TINAG: variants seen among roughly 807,000 people sequenced by gnomAD.
The protein encoded by TINAG is tubulointerstitial nephritis antigen.
In TINAG, 83 loss-of-function variants were observed where a neutral mutation model predicts 72.7. The observed-to-expected ratio is 1.14, with a 90% confidence interval of 0.96 to 1.37. TINAG has a LOEUF of 1.37. Among genes scored for constraint, TINAG ranks in the 40% most tolerant of loss-of-function variants. The pLI is 0.00. For missense variants in TINAG, 685 were observed against 576.6 expected, an observed-to-expected ratio of 1.19 and a Z score of -1.93; for synonymous variants, 234 against 189.9, an observed-to-expected ratio of 1.23 and a Z score of -1.91.
chr6:54,339,125 A>G (rs113526770), intron 4 of TINAG, among the ~76,000 whole-genome samples: 4 of 152,338 alleles, frequency 2.6e-5, no homozygotes, highest in African/African-American at 9.6e-5. Flanking sequence ...ATGAAATATG[A>G]CATTGCCCTA....
chr6:54,313,744 GTTAAA>G (rs1562144723), intron 1 of TINAG, among the ~76,000 whole-genome samples: 1 of 151,778 alleles, frequency 6.6e-6, no homozygotes, highest in Admixed American at 6.6e-5. Context: ...TTTTGTATTT[GTTAAA>G]TTAAATAATA....
intron 6 of TINAG, among the ~76,000 whole-genome samples, chr6:54,348,854 T>C (rs1276024396): frequency 6.6e-6 from 1 of 152,148 alleles, no homozygotes; most frequent in Non-Finnish European, 1.5e-5. Flanking sequence ...GGTTTTGCTT[T>C]TGTCATGTTC....
intron 9 of TINAG, among the ~76,000 whole-genome samples, chr6:54,374,552 G>A (rs1321554258): frequency 6.6e-6 from 1 of 152,058 alleles, no homozygotes; most frequent in Non-Finnish European, 1.5e-5. Context: ...AAGTTCCTAA[G>A]CATCTCAGGT....
intron 4 of TINAG, among the ~76,000 whole-genome samples, chr6:54,331,143 A>G (rs1784730570): frequency 6.6e-6 from 1 of 152,212 alleles, no homozygotes; most frequent in Admixed American, 6.5e-5. Context: ...AACCTGGCAG[A>G]GACACGACAA....
Position 54,347,508 on chromosome 6 carries a change from GA to G in TINAG, c.894del (p.Lys298AsnfsTer45). ...GSIDRAWWYLRKRGLVSHACY... is the reference protein window; with the variant it reads ...GSIDRAWWYLXKRGLVSHACY... ...ATCGATAGGGCTTGGTGGTACCTGA[GA>G]AAACGTGGGTAAATAGCTGCTCAAC... is the stretch of plus-strand genomic sequence containing the variant. On this transcript the variant is annotated frameshift_variant, in exon 6 of 11. Transcript: ENST00000259782. LOFTEE classifies it high-confidence loss of function. 3.1e-6 allele frequency: 5 copies of G among 1,612,602 alleles called. No individual in the cohort carries two copies. The highest frequency in any genetic ancestry group is 4.2e-6 in the Non-Finnish European group (5 of 1,179,170).
intron 1 of TINAG, among the ~76,000 whole-genome samples, chr6:54,314,741 T>C (rs1784333892): frequency 6.6e-6 from 1 of 152,150 alleles, no homozygotes; most frequent in African/African-American, 2.4e-5. Context: ...TACTTGAGAT[T>C]TTCTTATTTG....
chr6:54,338,015 T>C (rs1213518677), intron 4 of TINAG, among the ~76,000 whole-genome samples: 1 of 152,234 alleles, frequency 6.6e-6, no homozygotes, highest in African/African-American at 2.4e-5. Flanking sequence ...TGTGTTTCTT[T>C]CTTTTTACTA....
At position 54,326,919 on chromosome 6, in the gene TINAG, A is replaced by G; in HGVS notation, c.624+3A>G. The G allele has an allele frequency of 6.2e-7, 1 of 1,613,126 alleles. No individual in the cohort carries two copies. The highest frequency in any genetic ancestry group is 8.5e-7 in the Non-Finnish European group (1 of 1,179,774). On this transcript the variant is annotated splice_donor_region_variant and intron_variant, in intron 4 of 10. Coordinates refer to ENST00000259782, the MANE Select transcript of TINAG (RefSeq NM_014464.4). ...TCCTGAGCATGAATGAAATGACAGT[A>G]AGTGTTCCTTCTGATTCACGTATGT...
intron 9 of TINAG, among the ~76,000 whole-genome samples, chr6:54,355,817 C>T (rs576962252): frequency 1.4e-5 from 2 of 147,962 alleles, no homozygotes; most frequent in Non-Finnish European, 3.0e-5. Flanking sequence ...TAATGAATCT[C>T]CTAGATATAT....
intron 3 of TINAG, among the ~76,000 whole-genome samples, chr6:54,324,248 G>C (rs1404294120): frequency 6.6e-6 from 1 of 152,134 alleles, no homozygotes; most frequent in African/African-American, 2.4e-5. Flanking sequence ...CTCTTTTGCT[G>C]CTCTCTTTTG....
intron 4 of TINAG, among the ~76,000 whole-genome samples, chr6:54,334,959 T>C (rs1230733911): frequency 6.6e-6 from 1 of 152,098 alleles, no homozygotes; most frequent in Non-Finnish European, 1.5e-5. Context: ...TTTTTTTTTC[T>C]GTTTTATTTC....
At chr6:54,320,159 A>G (rs1029049941) in intron 1 of TINAG, among the ~76,000 whole-genome samples, 5 of 152,148 alleles carry the variant, frequency 3.3e-5, no homozygotes, top group African/African-American at 4.8e-5. Context: ...TTGAGTCCAA[A>G]GCTACTTGCT....
At chr6:54,320,014 T>G (rs530275498) in intron 1 of TINAG, among the ~76,000 whole-genome samples, 2 of 152,238 alleles carry the variant, frequency 1.3e-5, no homozygotes, top group African/African-American at 4.8e-5. Flanking sequence ...CAGTTAACAG[T>G]TAAGAAACAT....
chr6:54,356,617 GCTCTCT>G (rs376544969), intron 9 of TINAG, among the ~76,000 whole-genome samples: 93 of 150,814 alleles, frequency 6.2e-4, no homozygotes, highest in African/African-American at 2.2e-3. Context: ...GTCTTCTCTT[GCTCTCT>G]CTCTCTCTGT....
intron 9 of TINAG, among the ~76,000 whole-genome samples, chr6:54,377,016 G>A (rs988336545): frequency 1.3e-5 from 2 of 152,084 alleles, no homozygotes; most frequent in South Asian, 2.1e-4. Context: ...ATATTCCCAG[G>A]TATCACTAAA....
chr6:54,389,243 AT>A (rs1183075278), intron 10 of TINAG, among the ~76,000 whole-genome samples: 1 of 152,034 alleles, frequency 6.6e-6, no homozygotes, highest in Non-Finnish European at 1.5e-5. Flanking sequence ...ACATTGGTGA[AT>A]TGATTCTCAG....
chr6:54,347,185 A>G (rs571588934), intron 5 of TINAG, among the ~76,000 whole-genome samples, 182 bp from the exon 6 acceptor site: 1 of 152,278 alleles, frequency 6.6e-6, no homozygotes, highest in Admixed American at 6.5e-5. Context: ...CAAAAATTAT[A>G]ACTGAAAGTA....
At chr6:54,350,021 T>C (rs1349812221) in intron 7 of TINAG, 125 bp downstream of exon 7, 1 of 610,050 alleles carries the variant, frequency 1.6e-6, no homozygotes, top group Non-Finnish European at 2.3e-6. Flanking sequence ...TATATTTTCA[T>C]GTATAATTTT....
chr6:54,370,711 T>C (rs1303364827), intron 9 of TINAG, among the ~76,000 whole-genome samples: 1 of 152,104 alleles, frequency 6.6e-6, no homozygotes, highest in Non-Finnish European at 1.5e-5. Context: ...TGAGCTGAAC[T>C]CACTGTCGGA....
Sources: allele counts gnomAD v4.1 joint callset (sites outside exome capture counted in the v4.1 genomes callset), GRCh38; gene constraint gnomAD v4.1.1; transcripts MANE v1.5; gene names NCBI Gene and HGNC (gene_info 2026-07-23, HGNC 2026-07-21).